SLC12A7: variants seen among roughly 807,000 people sequenced by gnomAD.
SLC12A7 encodes solute carrier family 12 member 7, also known as K-Cl cotransporter 4.
Under a neutral mutation model 120.6 loss-of-function variants are expected in SLC12A7, and 100 were observed. The ratio of observed to expected loss-of-function variants is 0.83; its 90% CI spans 0.71 to 0.98. The LOEUF is 0.98. Ranked by LOEUF, SLC12A7 falls within the 50% of genes least tolerant of loss-of-function variation. The pLI, the probability that SLC12A7 is intolerant of heterozygous loss-of-function variation, is 0.00. For missense variants in SLC12A7, 1,373 were observed against 1,548.1 expected (o/e 0.89, Z 1.90); for synonymous variants, 760 against 678.0 (o/e 1.12, Z -1.88).
intron 1 of SLC12A7, among the ~76,000 whole-genome samples, chr5:1,100,482 G>C (rs972330086): frequency 6.6e-6 from 1 of 152,224 alleles, no homozygotes; most frequent in African/African-American, 2.4e-5. Flanking sequence ...GGCCCCAAAG[G>C]CAAGCCCATC....
the SLC12A7 span, among the ~76,000 whole-genome samples, chr5:1,152,602 G>C: frequency 1.3e-5 from 2 of 152,080 alleles, no homozygotes; most frequent in Non-Finnish European, 2.9e-5. Context: ...CCCCAAGCTA[G>C]AGAAGGGAGA....
At position 1,065,568 on chromosome 5, in the gene SLC12A7, A is replaced by C. The variant is rs56078134; in HGVS notation, c.2242-90T>G. The C allele has an allele frequency of 0.51, 547,351 of 1,076,424 alleles. 143,745 individuals carry two copies. The highest frequency in any genetic ancestry group is 0.66 in the East Asian group (24,871 of 37,688). The allele number at this position is 1,076,424 out of a possible 1,614,324, so 66.7% of individuals were successfully genotyped here. A position where few individuals can be genotyped will look rare whatever the true frequency, so the allele number is the denominator to read the frequency against. On this transcript the variant is annotated intron_variant, in intron 17 of 23. Transcript: ENST00000264930. ...CCACGGTGGCCAGGGCACCCGCACC[A>C]CCTCCCCTGTGGACCCAGCAGGAGG... is the stretch of plus-strand genomic sequence containing the variant.
intron 22 of SLC12A7, among the ~76,000 whole-genome samples, chr5:1,055,830 G>A (rs951248380): frequency 6.6e-6 from 1 of 152,220 alleles, no homozygotes; most frequent in South Asian, 2.1e-4. Context: ...GGAAGTACAG[G>A]GATTCCCTGC....
intron 12 of SLC12A7, among the ~76,000 whole-genome samples, chr5:1,077,296 G>A (rs374380010): frequency 2.0e-4 from 31 of 152,326 alleles, no homozygotes; most frequent in South Asian, 1.2e-3. Context: ...AGGGACCAGC[G>A]ACGGGCAAGG....
intron 5 of SLC12A7, among the ~76,000 whole-genome samples, chr5:1,088,006 G>A (rs1740076455): frequency 6.6e-6 from 1 of 152,194 alleles, no homozygotes; most frequent in African/African-American, 2.4e-5. Flanking sequence ...GGCACACGCT[G>A]GGCTACAGGA....
chr5:1,090,014 G>A (rs1190252889), intron 3 of SLC12A7, among the ~76,000 whole-genome samples: 4 of 152,260 alleles, frequency 2.6e-5, no homozygotes, highest in Admixed American at 2.6e-4. Flanking sequence ...ATACGGAAAA[G>A]GGGGAAGGTT....
At chr5:1,100,223 G>A (rs538554864) in intron 1 of SLC12A7, among the ~76,000 whole-genome samples, 10 of 152,318 alleles carry the variant, frequency 6.6e-5, no homozygotes, top group Admixed American at 2.0e-4. Flanking sequence ...GGGCGGCACC[G>A]GGACGGCAGG....
chr5:1,139,078 C>G, the SLC12A7 span, among the ~76,000 whole-genome samples: 1 of 150,792 alleles, frequency 6.6e-6, no homozygotes, highest in East Asian at 2.0e-4. Context: ...GGGGGGGGGG[C>G]TCTGGGCGGC....
chr5:1,051,405 AGGGCAGTCCTGGCTGTCGT>A lies in SLC12A7; in HGVS notation c.*936_*954del, dbSNP rs1735023240. The A allele has an allele frequency of 7.1e-6, 1 of 140,474 alleles. No homozygotes were observed. Among genetic ancestry groups the A allele is most frequent in the African/African-American group, 2.6e-5 (1 of 38,586 alleles). The allele number at this position is 140,474 out of a possible 1,614,324, so 8.7% of individuals were successfully genotyped here. ...GCTCCTGGGGTGGGGTGGGGTGGGG[AGGGCAGTCCTGGCTGTCGT>A]GGGCTGTCGGGGGAACTCACTGTTC... On this transcript the variant is annotated 3_prime_UTR_variant, in exon 24 of 24. Transcript: ENST00000264930.
chr5:1,055,642 G>A lies in SLC12A7; in HGVS notation c.3026+1829C>T, dbSNP rs1018072423. Among the ~76,000 whole-genome samples the A allele has an allele frequency of 7.2e-5, 11 of 152,314 alleles. No individual in the cohort carries two copies. In the East Asian group the frequency reaches 1.4e-3, roughly 19 times the overall value. ...TACAGGCCTGTGGGGACCTGCCCCC[G>A]CCCCGACCAAGGGGAGGCAAGCCCC... On this transcript the variant is annotated intron_variant, in intron 22 of 23. Transcript: ENST00000264930.
chr5:1,114,701 A>G (rs373657118), upstream of SLC12A7, among the ~76,000 whole-genome samples: 30 of 152,038 alleles, frequency 2.0e-4, no homozygotes, highest in East Asian at 5.4e-3. Context: ...CGTCTCCTGG[A>G]AGTGGGCACC....
intron 23 of SLC12A7, 39 bp downstream of exon 23, chr5:1,053,310 T>A: frequency 6.3e-7 from 1 of 1,598,682 alleles, no homozygotes; most frequent in Non-Finnish European, 8.5e-7. Context: ...CACCAGGGGG[T>A]GCCCGCACGC....
At chr5:1,091,573 C>T (rs2150874652) in intron 3 of SLC12A7, among the ~76,000 whole-genome samples, 2 of 152,298 alleles carry the variant, frequency 1.3e-5, no homozygotes, top group South Asian at 4.1e-4. Context: ...GAGTACCAGC[C>T]TGAGCCCATG....
chr5:1,122,188 C>A, the SLC12A7 span, among the ~76,000 whole-genome samples: 1 of 152,168 alleles, frequency 6.6e-6, no homozygotes, highest in Non-Finnish European at 1.5e-5. Flanking sequence ...TTTCCCTGCC[C>A]CCACCGCCTG....
rs1011033053 is a variant in SLC12A7 at position 1,073,813 on chromosome 5, G to A, written c.2073-12C>T. 3 of 1,402,220 alleles carry A rather than the reference G, an allele frequency of 2.1e-6. No individual in the cohort carries two copies. The highest frequency in any genetic ancestry group is 2.7e-5 in the Admixed American group (1 of 36,896). The allele number at this position is 1,402,220 out of a possible 1,614,324, so 86.9% of individuals were successfully genotyped here. ...CCAGCACCTGGGGCCTGCAGCCAGG[G>A]TGGGGCGGCTGTTACCACGGCAACG... On this transcript the variant is annotated splice_polypyrimidine_tract_variant and intron_variant, in intron 16 of 23. Transcript: ENST00000264930.
rs761260349 is a variant in SLC12A7, at chr5:1,074,583, G to T, written c.2056C>A (p.His686Asn). 1.7e-5 allele frequency: 27 copies of T among 1,611,052 alleles called. No homozygotes were observed. Among genetic ancestry groups the T allele is most frequent in the Non-Finnish European group, 2.0e-5 (24 of 1,178,812 alleles). Residue 686 changes from histidine (H) to asparagine (N), a missense_variant, in exon 16 of 24, where the codon CAC becomes AAC. His to Asn is a moderately conservative substitution (Grantham distance 68). Coordinates refer to ENST00000264930, the MANE Select transcript of SLC12A7 (RefSeq NM_006598.3). Reference protein sequence around the residue: ...ALLRVEHGPPHTKNWRPQVLV... With the variant: ...ALLRVEHGPPNTKNWRPQVLV... ...GGTGCTCACCTCCAGTTCTTGGTGTGGGGGGGACCGTGCTCCACGCGCAGC... is the reference window on the plus strand; with the variant it reads ...GGTGCTCACCTCCAGTTCTTGGTGTTGGGGGGACCGTGCTCCACGCGCAGC...
At chr5:1,127,476 G>A in the SLC12A7 span, among the ~76,000 whole-genome samples, 2 of 152,298 alleles carry the variant, frequency 1.3e-5, no homozygotes, top group African/African-American at 4.8e-5. Context: ...TAGAGCCTCC[G>A]GAGGGCGTGC....
chr5:1,127,836 C>A, the SLC12A7 span, among the ~76,000 whole-genome samples: 1 of 152,194 alleles, frequency 6.6e-6, no homozygotes, highest in African/African-American at 2.4e-5. Flanking sequence ...ACATTGAAGT[C>A]TTTCAGAGAA....
At position 1,065,383 on chromosome 5, in the gene SLC12A7, C is replaced by G. The variant is rs1340019877; in HGVS notation, c.2337G>C (p.Gln779His). The change falls in exon 18 of 24, where the codon CAG (glutamine) becomes CAC (histidine). Residue 779 changes from glutamine (Q) to histidine (H), a missense_variant. Transcript: ENST00000264930. ...GCTTCAGGCCGCCCAGGCCGGCCGA[C>G]TGGATCAGGTGGGACATGCCATCCC... ...SLRDGMSHLI[Q>H]SAGLGGLKHN... 3 of 1,612,704 alleles carry G rather than the reference C, an allele frequency of 1.9e-6. No individual in the cohort carries two copies. In the South Asian group the frequency reaches 3.3e-5, roughly 18 times the overall value.
Sources: allele counts gnomAD v4.1 joint callset (sites outside exome capture counted in the v4.1 genomes callset), GRCh38; gene constraint gnomAD v4.1.1; transcripts MANE v1.5; gene names NCBI Gene and HGNC (gene_info 2026-07-23, HGNC 2026-07-21).